PEBP4: variants seen among roughly 807,000 people sequenced by gnomAD.
The protein encoded by PEBP4 is phosphatidylethanolamine binding protein 4, also known as phosphatidylethanolamine-binding protein 4.
A neutral mutation model predicts 23.9 loss-of-function variants in PEBP4; 22 were observed. The ratio of observed to expected loss-of-function variants is 0.92; its 90% CI spans 0.66 to 1.31. The LOEUF (loss-of-function observed/expected upper bound fraction) is 1.31, where lower values mean the gene tolerates loss of function less well. Among genes scored for constraint, PEBP4 ranks in the 40% most tolerant of loss-of-function variants. PEBP4 has a pLI of 0.00. For synonymous variants in PEBP4, 112 were observed against 99.3 expected (o/e 1.13, Z -0.76); for missense variants, 324 against 281.7 (o/e 1.15, Z -1.07).
At chr8:22,782,159 C>G (rs1324722110) in intron 4 of PEBP4, among the ~76,000 whole-genome samples, 1 of 152,182 alleles carries the variant, frequency 6.6e-6, no homozygotes, top group Non-Finnish European at 1.5e-5. Flanking sequence ...GGAGAGGTCT[C>G]TCGGGCTGGG....
rs117105606 is a variant in PEBP4 at position 22,901,563 on chromosome 8, C to G, written c.258+18621G>C. On this transcript the variant is annotated intron_variant, in intron 3 of 6. Coordinates refer to ENST00000256404, the MANE Select transcript of PEBP4 (RefSeq NM_144962.3). Reference sequence around the variant, plus strand: ...CACCGACTCTCCACACTGTGCAGCTCGACTAAGGCAACCTCCAGAGTCCTA... The same window carrying G: ...CACCGACTCTCCACACTGTGCAGCTGGACTAAGGCAACCTCCAGAGTCCTA... 2.9e-4 allele frequency among the ~76,000 whole-genome samples: 44 copies of G among 152,238 alleles called. No individual in the cohort carries two copies. The East Asian group carries it at 8.1e-3, about 28-fold the overall frequency.
chr8:22,773,727 G>C (rs879778014), intron 4 of PEBP4, among the ~76,000 whole-genome samples: 4 of 152,166 alleles, frequency 2.6e-5, no homozygotes, highest in Non-Finnish European at 5.9e-5. Context: ...GCGGGTGGGG[G>C]CTGAGCCCTC....
intron 4 of PEBP4, among the ~76,000 whole-genome samples, chr8:22,809,166 T>A (rs1239814532): frequency 6.6e-6 from 1 of 152,192 alleles, no homozygotes; most frequent in Non-Finnish European, 1.5e-5. Flanking sequence ...AGGTGCTACG[T>A]GCTGGGTGTT....
rs553982652 is a variant in PEBP4 at position 22,887,863 on chromosome 8, T to C, written c.258+32321A>G. ...AGTGTCTCTGGAGAATACAAACGCA[T>C]GCGCGCATGCACACGCTGGGAACAG... On this transcript the variant is annotated intron_variant, in intron 3 of 6. Coordinates refer to ENST00000256404, the MANE Select transcript of PEBP4 (RefSeq NM_144962.3). 1.7e-4 allele frequency: 26 copies of C among 152,322 alleles called. 2 individuals are homozygous for C. Among genetic ancestry groups the C allele is most frequent in the Admixed American group, 1.0e-3 (16 of 15,298 alleles). 9.4% of individuals were successfully genotyped at this position (152,322 alleles called of 1,614,324 possible).
chr8:22,882,386 G>A (rs921367206), intron 3 of PEBP4, among the ~76,000 whole-genome samples: 5 of 152,218 alleles, frequency 3.3e-5, no homozygotes, highest in African/African-American at 1.2e-4. Context: ...GGAGCCAGCA[G>A]GGGGTCCCAG....
intron 3 of PEBP4, among the ~76,000 whole-genome samples, chr8:22,825,810 G>A (rs1806955319): frequency 6.6e-6 from 1 of 152,190 alleles, no homozygotes; most frequent in African/African-American, 2.4e-5. Context: ...CAGATGAATG[G>A]ATAAAGAAAA....
At chr8:22,859,298 C>G (rs183599214) in intron 3 of PEBP4, among the ~76,000 whole-genome samples, 6 of 152,164 alleles carry the variant, frequency 3.9e-5, no homozygotes, top group Admixed American at 3.3e-4. Flanking sequence ...GCCAGTAATT[C>G]GCCGAGTGTT....
chr8:22,887,201 T>G (rs1035352657), intron 3 of PEBP4: 1 of 151,904 alleles, frequency 6.6e-6, no homozygotes, highest in Non-Finnish European at 1.5e-5. Flanking sequence ...CAGGTGGAAG[T>G]GCAATGGTGC....
In PEBP4 at chr8:22,906,316, C is replaced by G. The variant is rs187810342; in HGVS notation, c.258+13868G>C. ...TCCCTATTTCAATCCAGCCTTCAAA[C>G]TTCTCACTAAGGCTGCTTGGCCAGT... On this transcript the variant is annotated intron_variant, in intron 3 of 6. Coordinates refer to ENST00000256404, the MANE Select transcript of PEBP4 (RefSeq NM_144962.3). 8.4e-3 allele frequency among the ~76,000 whole-genome samples: 1,285 copies of G among 152,304 alleles called. 5 individuals are homozygous for G. The highest frequency in any genetic ancestry group is 0.014 in the Non-Finnish European group (925 of 68,026).
intron 4 of PEBP4, among the ~76,000 whole-genome samples, chr8:22,802,623 C>T (rs1418553566): frequency 6.6e-6 from 1 of 152,224 alleles, no homozygotes; most frequent in African/African-American, 2.4e-5. Flanking sequence ...CAGTGAGTGA[C>T]TTACCTTCAA....
rs113295175 is a variant in PEBP4, at chr8:22,850,114, G to GA, written c.259-32380dup. On this transcript the variant is annotated intron_variant, in intron 3 of 6. Coordinates refer to ENST00000256404, the MANE Select transcript of PEBP4 (RefSeq NM_144962.3). ...AGGAAGATATCATCCTACTCTTTAA[G>GA]AAAAAAAAAAAAAATCCGTGGCTTA... is the stretch of plus-strand genomic sequence containing the variant. Among the ~76,000 whole-genome samples, 446 of 137,784 alleles carry GA rather than the reference G, an allele frequency of 3.2e-3. 3 individuals are homozygous for GA. The highest frequency in any genetic ancestry group is 6.0e-3 in the African/African-American group (225 of 37,668). 90.4% of individuals were successfully genotyped at this position (137,784 alleles called of 152,430 possible).
intron 3 of PEBP4, among the ~76,000 whole-genome samples, chr8:22,867,766 T>A (rs2128769904): frequency 6.6e-6 from 1 of 152,322 alleles, no homozygotes; most frequent in East Asian, 1.9e-4. Context: ...TGCATGAAAT[T>A]CACCATCTGC....
intron 2 of PEBP4, chr8:22,924,969 T>C: frequency 7.1e-6 from 7 of 985,400 alleles, no homozygotes; most frequent in Non-Finnish European, 8.4e-6. Flanking sequence ...AAGAGTTCCC[T>C]GGTAGACCAA....
intron 4 of PEBP4, among the ~76,000 whole-genome samples, chr8:22,782,130 G>A (rs1282063351): frequency 6.6e-6 from 1 of 152,182 alleles, no homozygotes; most frequent in Non-Finnish European, 1.5e-5. Context: ...GACTTGAGAC[G>A]GGAATGAGCA....
intron 3 of PEBP4, among the ~76,000 whole-genome samples, chr8:22,824,916 C>T (rs901837749): frequency 9.2e-5 from 14 of 152,172 alleles, no homozygotes; most frequent in Admixed American, 6.5e-5. Flanking sequence ...CCTAACAGGC[C>T]ATGGACCGGT....
intron 4 of PEBP4, among the ~76,000 whole-genome samples, chr8:22,784,910 G>A (rs1053088504): frequency 2.0e-5 from 3 of 152,224 alleles, no homozygotes; most frequent in East Asian, 1.9e-4. Context: ...AGGGGGGACC[G>A]TCAGGAACGC....
At chr8:22,853,279 G>A (rs772335368) in intron 3 of PEBP4, among the ~76,000 whole-genome samples, 10 of 152,112 alleles carry the variant, frequency 6.6e-5, no homozygotes, top group Non-Finnish European at 1.5e-4. Flanking sequence ...GTCCTCCTGT[G>A]GGGACCAGTG....
intron 4 of PEBP4, among the ~76,000 whole-genome samples, chr8:22,737,483 A>C (rs1038574058): frequency 6.6e-6 from 1 of 151,868 alleles, no homozygotes; most frequent in Admixed American, 6.6e-5. Context: ...GAGTTAGTTC[A>C]CTCAGATCCC....
In PEBP4 at chr8:22,713,262, T is replaced by TC; in HGVS notation, c.*107_*108insG. ...TACAAAGCACCAAGCCCTGGATGAT[T>TC]TTTTTTTTATTTGGAAAAGAAGGGG... is the stretch of plus-strand genomic sequence containing the variant. On this transcript the variant is annotated 3_prime_UTR_variant, in exon 7 of 7. Transcript: ENST00000256404. 1 of 1,413,252 alleles carries TC rather than the reference T, an allele frequency of 7.1e-7. No individual in the cohort carries two copies. Among genetic ancestry groups the TC allele is most frequent in the South Asian group, 1.6e-5 (1 of 64,230 alleles). 87.5% of individuals were successfully genotyped at this position (1,413,252 alleles called of 1,614,324 possible). A position where few individuals can be genotyped will look rare whatever the true frequency, so the allele number is the denominator to read the frequency against.
Sources: allele counts gnomAD v4.1 joint callset (sites outside exome capture counted in the v4.1 genomes callset), GRCh38; gene constraint gnomAD v4.1.1; transcripts MANE v1.5; gene names NCBI Gene and HGNC (gene_info 2026-07-23, HGNC 2026-07-21).